LRRC4C: variants seen among roughly 807,000 people sequenced by gnomAD.
LRRC4C encodes leucine rich repeat containing 4C.
Under a neutral mutation model 33.6 loss-of-function variants are expected in LRRC4C, and 5 were observed. That is an observed-to-expected ratio of 0.15 (90% CI 0.08 to 0.31). The LOEUF is 0.31. LRRC4C is among the 10% of genes least tolerant of loss of function. The pLI, the probability that LRRC4C is intolerant of heterozygous loss-of-function variation, is 1.00. For missense variants in LRRC4C, 560 were observed against 796.7 expected (o/e 0.70, Z 3.58); for synonymous variants, 329 against 302.0 (o/e 1.09, Z -0.93).
At chr11:40,281,201 T>C (rs1943451239) in intron 4 of LRRC4C, among the ~76,000 whole-genome samples, 1 of 152,194 alleles carries the variant, frequency 6.6e-6, no homozygotes, top group African/African-American at 2.4e-5. Flanking sequence ...CTTGCCTTCC[T>C]GCACACCACT....
intron 1 of LRRC4C, among the ~76,000 whole-genome samples, chr11:40,941,813 AT>A (rs1419624459): frequency 6.6e-6 from 1 of 152,126 alleles, no homozygotes; most frequent in Non-Finnish European, 1.5e-5. Context: ...ATTTTTTCTG[AT>A]TTTACAGGGT....
At chr11:40,191,377 A>T (rs752565657) in intron 5 of LRRC4C, among the ~76,000 whole-genome samples, 8 of 152,232 alleles carry the variant, frequency 5.3e-5, no homozygotes, top group Non-Finnish European at 1.0e-4. Flanking sequence ...GCACACATTT[A>T]TCCTGCACTC....
chr11:40,627,890 G>C (rs1201829873), intron 3 of LRRC4C, among the ~76,000 whole-genome samples: 1 of 152,160 alleles, frequency 6.6e-6, no homozygotes, highest in African/African-American at 2.4e-5. Context: ...TCTGGTGAAA[G>C]AGTCACGTAA....
chr11:40,511,307 G>A (rs1283037758), intron 3 of LRRC4C, among the ~76,000 whole-genome samples: 1 of 152,160 alleles, frequency 6.6e-6, no homozygotes, highest in Admixed American at 6.5e-5. Context: ...CAACTGACCT[G>A]TAAAAACTAC....
chr11:40,581,694 GAGTTCGAGACC>G (rs572938478), intron 3 of LRRC4C, among the ~76,000 whole-genome samples: 2 of 152,232 alleles, frequency 1.3e-5, no homozygotes, highest in South Asian at 4.1e-4. Context: ...ACGAGGTCGG[GAGTTCGAGACC>G]AGCCTGGCCA....
chr11:40,600,067 T>C (rs1482997467), intron 3 of LRRC4C, among the ~76,000 whole-genome samples: 1 of 152,180 alleles, frequency 6.6e-6, no homozygotes, highest in African/African-American at 2.4e-5. Context: ...CAATAATTGA[T>C]TTGCATGAGC....
intron 5 of LRRC4C, among the ~76,000 whole-genome samples, chr11:40,154,701 T>G (rs1858532609): frequency 6.6e-6 from 1 of 152,140 alleles, no homozygotes; most frequent in South Asian, 2.1e-4. Context: ...CCCAAATTTA[T>G]ACAACAATTA....
At chr11:40,636,158 C>T (rs1304578830) in intron 3 of LRRC4C, among the ~76,000 whole-genome samples, 1 of 152,132 alleles carries the variant, frequency 6.6e-6, no homozygotes, top group East Asian at 1.9e-4. Flanking sequence ...ACCTTGGACA[C>T]TTCCTGCTCA....
intron 1 of LRRC4C, among the ~76,000 whole-genome samples, chr11:41,150,223 C>T (rs919542994): frequency 1.3e-5 from 2 of 152,134 alleles, no homozygotes; most frequent in Admixed American, 6.5e-5. Flanking sequence ...TTCCATTTAG[C>T]TCAAAAAACT....
At chr11:40,952,362 T>C (rs1958733858) in intron 1 of LRRC4C, among the ~76,000 whole-genome samples, 1 of 151,924 alleles carries the variant, frequency 6.6e-6, no homozygotes, top group African/African-American at 2.4e-5. Flanking sequence ...CCTTTAAAAC[T>C]TTCTCTTCTT....
intron 4 of LRRC4C, among the ~76,000 whole-genome samples, chr11:40,299,919 G>A (rs926462570): frequency 7.9e-5 from 12 of 152,330 alleles, no homozygotes; most frequent in African/African-American, 2.9e-4. Flanking sequence ...AATAGAAACT[G>A]TATTAGGCTG....
intron 1 of LRRC4C, among the ~76,000 whole-genome samples, chr11:41,091,986 G>T (rs959420878): frequency 1.3e-5 from 2 of 152,082 alleles, no homozygotes; most frequent in African/African-American, 4.8e-5. Context: ...GCAGAATAAA[G>T]ATTGAGATAA....
intron 1 of LRRC4C, among the ~76,000 whole-genome samples, chr11:41,343,089 A>C (rs1435730873): frequency 6.6e-6 from 1 of 152,200 alleles, no homozygotes; most frequent in Non-Finnish European, 1.5e-5. Context: ...CCACCCAGTT[A>C]ATCCAAGATG....
intron 3 of LRRC4C, among the ~76,000 whole-genome samples, chr11:40,434,523 C>T (rs1046922642): frequency 3.3e-5 from 5 of 152,140 alleles, no homozygotes; most frequent in African/African-American, 7.2e-5. Context: ...GACAGTCTTT[C>T]GGGAAGACTA....
rs559016223 is a variant in LRRC4C at position 40,772,511 on chromosome 11, CT to C, written c.-406-124234del. Reference sequence around the variant, plus strand: ...ACAACTCAATAGAAAATTAAAAGATCTAACAATCTGATTTTAAAAATGGGCA... The same window carrying C: ...ACAACTCAATAGAAAATTAAAAGATCAACAATCTGATTTTAAAAATGGGCA... On this transcript the variant is annotated intron_variant, in intron 2 of 6. Coordinates refer to ENST00000528697, the MANE Select transcript of LRRC4C (RefSeq NM_001258419.2). Among the ~76,000 whole-genome samples the C allele has an allele frequency of 2.4e-3, 360 of 152,238 alleles. 3 individuals are homozygous for C. The highest frequency in any genetic ancestry group is 8.2e-3 in the African/African-American group (339 of 41,542).
At chr11:41,199,286 ATT>A (rs1946309504) in intron 1 of LRRC4C, among the ~76,000 whole-genome samples, 1 of 152,052 alleles carries the variant, frequency 6.6e-6, no homozygotes, top group South Asian at 2.1e-4. Context: ...GCTTTTGGTG[ATT>A]TATTTTTAAT....
intron 3 of LRRC4C, among the ~76,000 whole-genome samples, chr11:40,508,473 A>T (rs1955147626): frequency 6.6e-6 from 1 of 152,068 alleles, no homozygotes; most frequent in African/African-American, 2.4e-5. Context: ...GTTGGCCCAA[A>T]AAAAGCTTAG....
At chr11:40,596,528 C>T (rs1437874878) in intron 3 of LRRC4C, among the ~76,000 whole-genome samples, 5 of 151,720 alleles carry the variant, frequency 3.3e-5, no homozygotes, top group Non-Finnish European at 5.9e-5. Context: ...TCCTGTTTTG[C>T]TACAAAATAC....
intron 4 of LRRC4C, among the ~76,000 whole-genome samples, chr11:40,274,403 C>A (rs1942933538): frequency 7.8e-6 from 1 of 128,446 alleles, no homozygotes; most frequent in Non-Finnish European, 1.7e-5. Flanking sequence ...AAGTGCTTAC[C>A]CTGCGGAATA....
Sources: allele counts gnomAD v4.1 joint callset (sites outside exome capture counted in the v4.1 genomes callset), GRCh38; gene constraint gnomAD v4.1.1; transcripts MANE v1.5; gene names NCBI Gene and HGNC (gene_info 2026-07-23, HGNC 2026-07-21).